The following PDE4D variants were observed in gnomAD, a reference collection of about 807,000 sequenced individuals.
PDE4D encodes the protein phosphodiesterase 4D.
PDE4D carries 24 observed loss-of-function variants against 87.4 expected under a neutral mutation model. That is an observed-to-expected ratio of 0.27 (90% CI 0.20 to 0.39). The LOEUF is 0.39. Ranked by LOEUF, PDE4D falls within the 10% of genes least tolerant of loss-of-function variation. The probability of loss-of-function intolerance (pLI) is 1.00; values close to 1 mark genes in which losing one functional copy is unlikely to be tolerated. For missense variants in PDE4D, 714 were observed against 1,041.0 expected, an observed-to-expected ratio of 0.69 and a Z score of 4.32; for synonymous variants, 384 against 383.2, an observed-to-expected ratio of 1.00 and a Z score of -0.02.
chr5:59,462,428 G>T (rs757309441), intron 1 of PDE4D, among the ~76,000 whole-genome samples: 2 of 152,044 alleles, frequency 1.3e-5, no homozygotes, highest in African/African-American at 2.4e-5. Flanking sequence ...GGACATGCAT[G>T]CTGGTCCTCT....
intron 1 of PDE4D, among the ~76,000 whole-genome samples, chr5:60,450,436 C>A (rs1583810328): frequency 6.6e-6 from 1 of 152,108 alleles, no homozygotes; most frequent in East Asian, 1.9e-4. Context: ...ACTGAATTCA[C>A]AACAAACTGA....
At chr5:59,249,809 T>C (rs1404375576) in intron 1 of PDE4D, among the ~76,000 whole-genome samples, 4 of 152,052 alleles carry the variant, frequency 2.6e-5, no homozygotes. Flanking sequence ...GAGAAATTTA[T>C]ATTTGTATTT....
chr5:59,213,847 T>A (rs1465855882), intron 2 of PDE4D, among the ~76,000 whole-genome samples: 2 of 152,102 alleles, frequency 1.3e-5, no homozygotes, highest in Non-Finnish European at 2.9e-5. Context: ...TTGTCTTGTT[T>A]CCCCTAGCCT....
intron 1 of PDE4D, among the ~76,000 whole-genome samples, chr5:60,336,188 A>T (rs1757738756): frequency 6.6e-6 from 1 of 152,226 alleles, no homozygotes; most frequent in African/African-American, 2.4e-5. Context: ...GACTTGCCAA[A>T]AGTCTTTTAA....
intron 2 of PDE4D, among the ~76,000 whole-genome samples, chr5:60,063,164 AAGAAAGAAAAAG>A (rs796687132): frequency 4.8e-4 from 62 of 129,190 alleles, no homozygotes; most frequent in Admixed American, 2.0e-3. Flanking sequence ...GAAGGAAAGA[AAGAAAGAAAAAG>A]AGAAAGAAAA....
chr5:59,193,692 G>C, intron 2 of PDE4D, 156 bp from the exon 3 acceptor site: 1 of 985,310 alleles, frequency 1.0e-6, no homozygotes, highest in Non-Finnish European at 1.2e-6. Flanking sequence ...CCAGCAACTG[G>C]GTTAAAAATA....
chr5:59,986,129 G>A (rs986104750), intron 3 of PDE4D, among the ~76,000 whole-genome samples: 2 of 88,488 alleles, frequency 2.3e-5, no homozygotes, highest in African/African-American at 7.3e-5. Context: ...TTGACTCACT[G>A]CAACCTCTGC....
rs148529673 is a variant in PDE4D at position 59,446,589 on chromosome 5, G to T, written c.456-230621C>A. ...ACTAGATAAACCTTCAACAGATGGAGATTTGTCATCAATGAATTTCAAAAA... is the reference window on the plus strand; with the variant it reads ...ACTAGATAAACCTTCAACAGATGGATATTTGTCATCAATGAATTTCAAAAA... On this transcript the variant is annotated intron_variant, in intron 1 of 14. Transcript: ENST00000340635. 2.3e-3 allele frequency among the ~76,000 whole-genome samples: 357 copies of T among 152,336 alleles called. 3 individuals are homozygous for T. Among genetic ancestry groups the T allele is most frequent in the African/African-American group, 7.9e-3 (329 of 41,580 alleles).
At chr5:59,693,689 A>C (rs1168601588) in intron 1 of PDE4D, among the ~76,000 whole-genome samples, 1 of 152,204 alleles carries the variant, frequency 6.6e-6, no homozygotes, top group East Asian at 1.9e-4. Context: ...TTTGCAAAAA[A>C]AGTTAGGCAA....
intron 5 of PDE4D, among the ~76,000 whole-genome samples, chr5:59,126,508 T>G (rs1287922662): frequency 6.6e-6 from 1 of 152,206 alleles, no homozygotes; most frequent in Non-Finnish European, 1.5e-5. Flanking sequence ...GCTACCTTTG[T>G]GTATTTGAAA....
chr5:60,105,821 T>C (rs925340239), intron 2 of PDE4D, among the ~76,000 whole-genome samples: 8 of 152,184 alleles, frequency 5.3e-5, no homozygotes, highest in South Asian at 2.1e-4. Flanking sequence ...CTGAGAGATT[T>C]TGTCACCACC....
intron 1 of PDE4D, among the ~76,000 whole-genome samples, chr5:59,762,642 A>ATATGTGTATATGTGTATATAGGTACG (rs1477031553): frequency 3.4e-4 from 46 of 136,318 alleles, no homozygotes; most frequent in Non-Finnish European, 6.4e-4. Context: ...ATGGGTACAC[A>ATATGTGTATATGTGTATATAGGTACG]TATGTGTATA....
intron 1 of PDE4D, among the ~76,000 whole-genome samples, chr5:59,701,545 T>C (rs1752564158): frequency 6.6e-6 from 1 of 152,174 alleles, no homozygotes; most frequent in South Asian, 2.1e-4. Flanking sequence ...GAAAAGCAAA[T>C]GTAAGCACAA....
At chr5:59,351,838 G>A (rs1353121891) in intron 1 of PDE4D, among the ~76,000 whole-genome samples, 1 of 152,128 alleles carries the variant, frequency 6.6e-6, no homozygotes, top group Non-Finnish European at 1.5e-5. Context: ...ATTACGTGGT[G>A]TTCTGTCTTC....
At chr5:60,252,537 T>C (rs1748596218) in intron 1 of PDE4D, among the ~76,000 whole-genome samples, 1 of 151,536 alleles carries the variant, frequency 6.6e-6, no homozygotes, top group Admixed American at 6.6e-5. Context: ...CTAGGGTCAG[T>C]AGGTTTTGGA....
At chr5:60,136,041 G>A (rs1780014537) in intron 2 of PDE4D, among the ~76,000 whole-genome samples, 1 of 152,088 alleles carries the variant, frequency 6.6e-6, no homozygotes, top group Non-Finnish European at 1.5e-5. Flanking sequence ...TCTGACAATT[G>A]TTTGAGCACA....
chr5:59,187,886 T>A (rs934608037), intron 3 of PDE4D, among the ~76,000 whole-genome samples: 1 of 152,088 alleles, frequency 6.6e-6, no homozygotes, highest in African/African-American at 2.4e-5. Flanking sequence ...TAAATAACAT[T>A]TCTAGACAAA....
chr5:59,406,877 T>C (rs1791765361), intron 1 of PDE4D, among the ~76,000 whole-genome samples: 1 of 152,240 alleles, frequency 6.6e-6, no homozygotes, highest in Non-Finnish European at 1.5e-5. Flanking sequence ...CTTAAACTCT[T>C]TTTATATCAA....
chr5:59,621,486 C>T lies in PDE4D; in HGVS notation c.455+271682G>A, dbSNP rs924295666. Among the ~76,000 whole-genome samples the T allele has an allele frequency of 2.6e-5, 4 of 152,182 alleles. No individual in the cohort carries two copies. The South Asian group carries it at 6.2e-4, about 24-fold the overall frequency. Reference sequence around the variant, plus strand: ...CTTTGAATATGATCAGAAAGCAAACCTGCTAGGCCCCTAAATGATGCTTCA... The same window carrying T: ...CTTTGAATATGATCAGAAAGCAAACTTGCTAGGCCCCTAAATGATGCTTCA... On this transcript the variant is annotated intron_variant, in intron 1 of 14. Coordinates refer to ENST00000340635, the MANE Select transcript of PDE4D (RefSeq NM_001104631.2).
Sources: allele counts gnomAD v4.1 joint callset (sites outside exome capture counted in the v4.1 genomes callset), GRCh38; gene constraint gnomAD v4.1.1; transcripts MANE v1.5; gene names NCBI Gene and HGNC (gene_info 2026-07-23, HGNC 2026-07-21).